DGKG: variants seen among roughly 807,000 people sequenced by gnomAD.
DGKG encodes DAG kinase gamma.
Under a neutral mutation model 105.3 loss-of-function variants are expected in DGKG, and 78 were observed. The observed-to-expected ratio is 0.74, with a 90% CI of 0.62 to 0.89. DGKG has a LOEUF of 0.89. Ranked by LOEUF, DGKG falls within the 40% of genes least tolerant of loss-of-function variation. DGKG has a pLI of 0.00. For missense variants in DGKG, 958 were observed against 1,020.1 expected (o/e 0.94, Z 0.83); for synonymous variants, 346 against 367.1 (o/e 0.94, Z 0.66).
At chr3:186,157,262 A>G (rs945480449) in intron 24 of DGKG, among the ~76,000 whole-genome samples, 9 of 152,200 alleles carry the variant, frequency 5.9e-5, no homozygotes, top group African/African-American at 1.9e-4. Flanking sequence ...CTATTTTATC[A>G]TGTAGTTTTT....
intron 2 of DGKG, among the ~76,000 whole-genome samples, chr3:186,307,328 C>T (rs1360059846): frequency 6.6e-6 from 1 of 152,140 alleles, no homozygotes; most frequent in East Asian, 1.9e-4. Flanking sequence ...TATCCTATTC[C>T]TCATTTCCCT....
At chr3:186,337,042 G>C (rs1044727469) in intron 1 of DGKG, among the ~76,000 whole-genome samples, 1 of 152,168 alleles carries the variant, frequency 6.6e-6, no homozygotes, top group Non-Finnish European at 1.5e-5. Flanking sequence ...ATTACAGGCA[G>C]TTCTAAGAGT....
intron 3 of DGKG, among the ~76,000 whole-genome samples, chr3:186,302,475 T>TACCCAC (rs1723976619): frequency 4.5e-5 from 1 of 22,036 alleles, no homozygotes; most frequent in African/African-American, 2.9e-4. Context: ...TATATATATA[T>TACCCAC]ATATATATAT....
chr3:186,325,983 T>G (rs1485312891), intron 1 of DGKG, among the ~76,000 whole-genome samples: 1 of 152,212 alleles, frequency 6.6e-6, no homozygotes, highest in African/African-American at 2.4e-5. Flanking sequence ...CAGTCATTTC[T>G]CTAAGGAGTT....
chr3:186,273,461 G>A (rs947956116), intron 10 of DGKG, among the ~76,000 whole-genome samples: 3 of 129,664 alleles, frequency 2.3e-5, no homozygotes, highest in Admixed American at 2.0e-4. Flanking sequence ...CGCAACCTCC[G>A]ACTCCCTGGT....
At chr3:186,212,184 G>A (rs1231713015) in intron 20 of DGKG, among the ~76,000 whole-genome samples, 1 of 152,228 alleles carries the variant, frequency 6.6e-6, no homozygotes, top group Non-Finnish European at 1.5e-5. Context: ...ATTAAGGAAA[G>A]AGCTCTACGA....
intron 10 of DGKG, among the ~76,000 whole-genome samples, chr3:186,273,075 G>A (rs891266018): frequency 3.3e-5 from 5 of 151,986 alleles, no homozygotes; most frequent in African/African-American, 1.2e-4. Flanking sequence ...CATGACCTTG[G>A]GTAAATTGTT....
intron 24 of DGKG, chr3:186,159,294 G>A (rs539272634): frequency 1.3e-5 from 2 of 151,718 alleles, no homozygotes; most frequent in Non-Finnish European, 2.9e-5. Flanking sequence ...TTTTAGTTTC[G>A]CTAGTGATTG....
At chr3:186,354,402 A>T (rs1253668880) in intron 1 of DGKG, among the ~76,000 whole-genome samples, 4 of 152,350 alleles carry the variant, frequency 2.6e-5, no homozygotes, top group African/African-American at 7.2e-5. Flanking sequence ...CCATCAGCAA[A>T]GTGAAAACTT....
At chr3:186,174,547 C>T (rs779124565) in intron 22 of DGKG, among the ~76,000 whole-genome samples, 2 of 152,034 alleles carry the variant, frequency 1.3e-5, no homozygotes, top group East Asian at 3.9e-4. Context: ...GTGACTTGCC[C>T]CTCTGGCAAG....
intron 3 of DGKG, among the ~76,000 whole-genome samples, chr3:186,300,838 GA>G (rs1723885846): frequency 6.6e-6 from 1 of 152,170 alleles, no homozygotes; most frequent in South Asian, 2.1e-4. Context: ...TGAGATTCAG[GA>G]AACCTCGTGA....
chr3:186,164,972 C>G lies in DGKG; in HGVS notation c.2142G>C (p.Met714Ile). The change falls in exon 23 of 25, where the codon ATG becomes ATC. Residue 714 changes from methionine to isoleucine, a missense_variant. Physicochemically the swap from Met to Ile is conservative, Grantham distance 10 (BLOSUM62 1). This residue lies in a region of DGKG where 315 missense variants were observed against 400.6 expected (regional missense o/e 0.79). Transcript: ENST00000265022. ...LLEVVGLEGA[M>I]EMGQIYTGLK... ...GGCCGGTGTAGATCTGCCCCATCTC[C>G]ATGGCTCCTTCTAGCCCCACCACTT... 6.2e-7 allele frequency: 1 copy of G among 1,613,328 alleles called. No individual in the cohort carries two copies. The highest frequency in any genetic ancestry group is 1.7e-5 in the Admixed American group (1 of 59,930).
In DGKG at chr3:186,231,339, G is replaced by A. The variant is rs1720140717; in HGVS notation, c.1826+11165C>T. 6.6e-6 allele frequency among the ~76,000 whole-genome samples: 1 copy of A among 152,168 alleles called. No homozygotes were observed. Among genetic ancestry groups the A allele is most frequent in the African/African-American group, 2.4e-5 (1 of 41,440 alleles). ...ATTGTAGCAGGCTAAGAGGAGATGT[G>A]GAGTGGACAGGCCTAGGTGTGAATC... is the stretch of plus-strand genomic sequence containing the variant. On this transcript the variant is annotated intron_variant, in intron 20 of 24. Transcript: ENST00000265022. The surrounding 1 kb of genome is among the most constrained non-coding windows in gnomAD (Gnocchi z 4.5).
chr3:186,322,412 C>CT (rs1725122632), intron 1 of DGKG, among the ~76,000 whole-genome samples: 1 of 152,110 alleles, frequency 6.6e-6, no homozygotes, highest in African/African-American at 2.4e-5. Flanking sequence ...ACAATAGGTA[C>CT]TGGGGCCTAC....
At chr3:186,253,287 CTTTG>C (rs1721313069) in intron 17 of DGKG, 105 bp from the exon 18 acceptor site, 3 of 875,904 alleles carry the variant, frequency 3.4e-6, no homozygotes, top group South Asian at 1.4e-5. Flanking sequence ...CCATAGCATT[CTTTG>C]TTTGAATACC....
At chr3:186,295,553 A>G (rs1020547813) in intron 5 of DGKG, among the ~76,000 whole-genome samples, 13 of 141,464 alleles carry the variant, frequency 9.2e-5, no homozygotes, top group African/African-American at 3.1e-4. Flanking sequence ...ATAATACTGC[A>G]TTCTTTTTCC....
chr3:186,311,446 G>A (rs190068118), intron 2 of DGKG, among the ~76,000 whole-genome samples: 19 of 152,318 alleles, frequency 1.2e-4, no homozygotes, highest in Admixed American at 3.9e-4. Context: ...GTAGGAGCAT[G>A]TTTTGCATTC....
At chr3:186,318,023 A>G (rs1328362725) in intron 2 of DGKG, among the ~76,000 whole-genome samples, 1 of 152,040 alleles carries the variant, frequency 6.6e-6, no homozygotes, top group Non-Finnish European at 1.5e-5. Context: ...TGATATTTCC[A>G]CCACAGTTTC....
intron 1 of DGKG, among the ~76,000 whole-genome samples, chr3:186,354,197 T>C (rs1320206365): frequency 6.6e-6 from 1 of 152,286 alleles, no homozygotes; most frequent in African/African-American, 2.4e-5. Flanking sequence ...CTCTAGCTTA[T>C]TTACTTTAAC....
Sources: allele counts gnomAD v4.1 joint callset (sites outside exome capture counted in the v4.1 genomes callset), GRCh38; gene constraint gnomAD v4.1.1; regional missense constraint gnomAD v4.1.1; non-coding constraint Gnocchi (gnomAD v3.1); transcripts MANE v1.5; gene names NCBI Gene and HGNC (gene_info 2026-07-23, HGNC 2026-07-21).